LRRTM4: variants seen among roughly 807,000 people sequenced by gnomAD.
LRRTM4 encodes the protein leucine rich repeat transmembrane neuronal 4, also known as leucine-rich repeat transmembrane neuronal protein 4.
In LRRTM4, 25 loss-of-function variants were observed where a neutral mutation model predicts 47.6. That is an observed-to-expected ratio of 0.53 (90% confidence interval 0.38 to 0.73). The LOEUF (loss-of-function observed/expected upper bound fraction) is 0.73. Among genes scored for constraint, LRRTM4 ranks in the 30% least tolerant of loss-of-function variants. The pLI, the probability that LRRTM4 is intolerant of heterozygous loss-of-function variation, is 0.00. For missense variants in LRRTM4, 638 were observed against 713.4 expected (o/e 0.89, Z 1.20); for synonymous variants, 311 against 269.5 (o/e 1.15, Z -1.51).
chr2:77,440,987 A>G (rs1046008714), intron 3 of LRRTM4, among the ~76,000 whole-genome samples: 1 of 152,258 alleles, frequency 6.6e-6, no homozygotes, highest in Non-Finnish European at 1.5e-5. Context: ...AGCTATTTAC[A>G]TTATTTATTC....
At chr2:77,133,136 T>C (rs982344747) in intron 3 of LRRTM4, among the ~76,000 whole-genome samples, 4 of 152,156 alleles carry the variant, frequency 2.6e-5, no homozygotes, top group East Asian at 1.9e-4. Context: ...ATAAGAAGCA[T>C]TGTGAGCTTA....
At chr2:76,785,523 G>A (rs1056603770) in intron 3 of LRRTM4, among the ~76,000 whole-genome samples, 6 of 152,048 alleles carry the variant, frequency 3.9e-5, no homozygotes, top group African/African-American at 1.4e-4. Flanking sequence ...TGGTAATCCA[G>A]GAAGGATCTT....
chr2:77,008,241 C>A (rs1241481075), intron 3 of LRRTM4, among the ~76,000 whole-genome samples: 1 of 152,122 alleles, frequency 6.6e-6, no homozygotes, highest in African/African-American at 2.4e-5. Context: ...AGGAAAATTA[C>A]TTGAACTGGT....
At chr2:77,333,731 T>C (rs1167960819) in intron 3 of LRRTM4, among the ~76,000 whole-genome samples, 1 of 152,188 alleles carries the variant, frequency 6.6e-6, no homozygotes, top group East Asian at 1.9e-4. Flanking sequence ...AATGTGGGAT[T>C]GGAGCCCCCA....
intron 3 of LRRTM4, among the ~76,000 whole-genome samples, chr2:77,222,004 GTC>G (rs1558640569): frequency 6.6e-6 from 1 of 152,084 alleles, no homozygotes; most frequent in Admixed American, 6.6e-5. Context: ...ATAACAAACT[GTC>G]TCTCAGACCA....
intron 3 of LRRTM4, among the ~76,000 whole-genome samples, chr2:77,118,543 T>C (rs1671448738): frequency 6.6e-6 from 1 of 151,936 alleles, no homozygotes; most frequent in Admixed American, 6.6e-5. Flanking sequence ...TGAGGTATCA[T>C]TATACAAAGT....
At chr2:77,117,694 AT>A (rs1671424478) in intron 3 of LRRTM4, among the ~76,000 whole-genome samples, 1 of 151,956 alleles carries the variant, frequency 6.6e-6, no homozygotes, top group Admixed American at 6.6e-5. Context: ...TTAAGGTTTA[AT>A]TATATAAGAA....
intron 3 of LRRTM4, among the ~76,000 whole-genome samples, chr2:77,445,381 C>T (rs1279037308): frequency 6.6e-6 from 1 of 151,894 alleles, no homozygotes; most frequent in Non-Finnish European, 1.5e-5. Flanking sequence ...AGTATTTTCC[C>T]TTTCAATCCT....
Position 76,978,535 on chromosome 2 carries a change from G to C in LRRTM4, c.1552-229619C>G, listed in dbSNP as rs551659349. 4.6e-5 allele frequency among the ~76,000 whole-genome samples: 7 copies of C among 152,172 alleles called. No homozygotes were observed. In the South Asian group the frequency reaches 1.2e-3, roughly 27 times the overall value. ...CTATTGCATTTTAAGAAATGGATGA[G>C]ATAGAGAGACATGGAATAAAAATGA... On this transcript the variant is annotated intron_variant, in intron 3 of 3. Coordinates refer to ENST00000409884, the MANE Select transcript of LRRTM4 (RefSeq NM_001134745.3).
chr2:77,497,804 C>T (rs192605394), intron 3 of LRRTM4, among the ~76,000 whole-genome samples: 1 of 151,294 alleles, frequency 6.6e-6, no homozygotes, highest in Admixed American at 6.6e-5. Flanking sequence ...ATAGTCATCA[C>T]CAAAAATTGT....
intron 3 of LRRTM4, among the ~76,000 whole-genome samples, chr2:76,753,732 T>C (rs1256492297): frequency 6.6e-6 from 1 of 152,104 alleles, no homozygotes; most frequent in Non-Finnish European, 1.5e-5. Context: ...TAATTCTAAA[T>C]CTACCATAAT....
At chr2:76,960,811 C>T (rs1176615499) in intron 3 of LRRTM4, among the ~76,000 whole-genome samples, 1 of 151,326 alleles carries the variant, frequency 6.6e-6, no homozygotes, top group African/African-American at 2.4e-5. Flanking sequence ...TTAAATCATA[C>T]CATTCTTATA....
At chr2:77,464,457 CTAACA>C (rs1177194574) in intron 3 of LRRTM4, among the ~76,000 whole-genome samples, 4 of 151,868 alleles carry the variant, frequency 2.6e-5, no homozygotes, top group African/African-American at 9.7e-5. Context: ...TCTAATATCT[CTAACA>C]TGTTATTTCA....
intron 3 of LRRTM4, among the ~76,000 whole-genome samples, chr2:77,082,314 G>T (rs1388775319): frequency 1.3e-5 from 2 of 151,864 alleles, no homozygotes; most frequent in South Asian, 4.1e-4. Context: ...TTATTTCTTG[G>T]ACACTTATGA....
At chr2:77,414,480 C>A (rs1674563263) in intron 3 of LRRTM4, among the ~76,000 whole-genome samples, 1 of 152,196 alleles carries the variant, frequency 6.6e-6, no homozygotes, top group South Asian at 2.1e-4. Flanking sequence ...TCTGTGTTCC[C>A]AATGAGCCCT....
chr2:77,456,212 G>A (rs557244384), intron 3 of LRRTM4, among the ~76,000 whole-genome samples: 6 of 152,022 alleles, frequency 3.9e-5, no homozygotes, highest in East Asian at 1.9e-4. Context: ...AATTCCTGAC[G>A]CAGTCTACTG....
intron 3 of LRRTM4, among the ~76,000 whole-genome samples, chr2:76,803,538 G>C (rs1675811348): frequency 6.6e-6 from 1 of 152,096 alleles, no homozygotes; most frequent in South Asian, 2.1e-4. Flanking sequence ...AGGATATAGA[G>C]GTTTCTCAAA....
intron 3 of LRRTM4, among the ~76,000 whole-genome samples, chr2:77,013,832 A>T (rs2141783): frequency 0.033 from 4,992 of 152,276 alleles, 272 homozygotes; most frequent in African/African-American, 0.11. Context: ...TGTTAACTAT[A>T]AAGAGGCTGT....
intron 3 of LRRTM4, among the ~76,000 whole-genome samples, chr2:76,874,905 TTC>T (rs1672735807): frequency 6.6e-6 from 1 of 152,134 alleles, no homozygotes; most frequent in South Asian, 2.1e-4. Flanking sequence ...AATTTGAATA[TTC>T]TGTTCATGTA....
Sources: allele counts gnomAD v4.1 joint callset (sites outside exome capture counted in the v4.1 genomes callset), GRCh38; gene constraint gnomAD v4.1.1; transcripts MANE v1.5; gene names NCBI Gene and HGNC (gene_info 2026-07-23, HGNC 2026-07-21).